Variants in DHRSX observed in about 807,000 individuals in gnomAD.
The protein encoded by DHRSX is polyprenol dehydrogenase.
A neutral mutation model predicts 34.0 loss-of-function variants in DHRSX; 31 were observed. The observed-to-expected ratio is 0.91, with a 90% confidence interval of 0.69 to 1.23. The LOEUF (loss-of-function observed/expected upper bound fraction) is 1.23. Ranked by LOEUF, DHRSX falls within the 50% of genes most tolerant of loss-of-function variation. DHRSX has a pLI of 0.00. For missense variants in DHRSX, 414 were observed against 428.1 expected, an observed-to-expected ratio of 0.97 and a Z score of 0.29; for synonymous variants, 201 against 183.8, an observed-to-expected ratio of 1.09 and a Z score of -0.76.
rs1267857199 is a variant in DHRSX, at chrX:2,257,494, C to G, written c.596+9246G>C. Among the ~76,000 whole-genome samples the G allele has an allele frequency of 2.0e-5, 3 of 152,204 alleles. No homozygotes were observed. In the East Asian group the frequency reaches 5.8e-4, roughly 29 times the overall value. ...CCTACAGTAATACAGAAGACGCCGG[C>G]TGAGGCGTGTTCTATTCTACCAAGG... On this transcript the variant is annotated intron_variant, in intron 5 of 6. Coordinates refer to ENST00000334651, the MANE Select transcript of DHRSX (RefSeq NM_145177.3).
chrX:2,243,323 C>T (rs1456631148), intron 5 of DHRSX, 93 bp from the exon 6 acceptor site: 10 of 1,092,952 alleles, frequency 9.1e-6, no homozygotes, highest in South Asian at 2.9e-5. Context: ...GCCACGGCCA[C>T]GTCTATACGC....
chrX:2,300,191 C>G (rs1340922629), intron 3 of DHRSX, among the ~76,000 whole-genome samples: 4 of 152,058 alleles, frequency 2.6e-5, no homozygotes, highest in Non-Finnish European at 4.4e-5. Context: ...TTGAATAGTG[C>G]CTTCATTTTT....
intron 3 of DHRSX, among the ~76,000 whole-genome samples, chrX:2,292,807 T>A (rs1475570914): frequency 6.6e-6 from 1 of 151,626 alleles, no homozygotes; most frequent in Non-Finnish European, 1.5e-5. Context: ...GATCCCTTGC[T>A]ACAGATAGTA....
chrX:2,481,408 G>GT (rs2044768757), intron 1 of DHRSX, among the ~76,000 whole-genome samples: 1 of 152,122 alleles, frequency 6.6e-6, no homozygotes, highest in African/African-American at 2.4e-5. Context: ...GCTCACGCCT[G>GT]TCATCCCAGC....
At chrX:2,367,798 A>G (rs2043011879) in intron 3 of DHRSX, among the ~76,000 whole-genome samples, 1 of 152,220 alleles carries the variant, frequency 6.6e-6, no homozygotes, top group Admixed American at 6.5e-5. Context: ...TGGGTACACA[A>G]ATGCTGTTCA....
chrX:2,297,023 A>G (rs2041942831), intron 3 of DHRSX, among the ~76,000 whole-genome samples: 1 of 148,676 alleles, frequency 6.7e-6, no homozygotes, highest in Non-Finnish European at 1.5e-5. Context: ...AGGCAGATAG[A>G]CCCAGGCAGA....
rs148013030 is a variant in DHRSX, at chrX:2,315,447, G to A, written c.287-23844C>T. On this transcript the variant is annotated intron_variant, in intron 3 of 6. Transcript: ENST00000334651. ...AGACTAAGGTGTTGGACTTCTGTTC[G>A]TCTGAGGATCCTGTTTCTTGCTGCC... Among the ~76,000 whole-genome samples the A allele has an allele frequency of 1.5e-3, 228 of 152,214 alleles. 5 individuals carry two copies. In the East Asian group the frequency reaches 0.036, roughly 24 times the overall value.
intron 1 of DHRSX, among the ~76,000 whole-genome samples, chrX:2,445,111 C>G (rs1452972232): frequency 6.6e-6 from 1 of 152,074 alleles, no homozygotes; most frequent in Non-Finnish European, 1.5e-5. Flanking sequence ...GAGCCAAGAT[C>G]GCACCACTGC....
At chrX:2,246,560 T>C (rs970864324) in intron 5 of DHRSX, among the ~76,000 whole-genome samples, 1 of 149,028 alleles carries the variant, frequency 6.7e-6, no homozygotes, top group Non-Finnish European at 1.5e-5. Flanking sequence ...GAGGTGGAGG[T>C]TGCAGTGACA....
chrX:2,224,822 ACACATGCTCACATATACTCATT>A lies in DHRSX; in HGVS notation c.805-3615_805-3594del, dbSNP rs780818208. On this transcript the variant is annotated intron_variant, in intron 6 of 6. Transcript: ENST00000334651. ...TTTACATGTACACAAACTCACATGAACACATGCTCACATATACTCATTCACATGCACACAAATTCGCATGCAC... is the reference window on the plus strand; with the variant it reads ...TTTACATGTACACAAACTCACATGAACACATGCACACAAATTCGCATGCAC... Among the ~76,000 whole-genome samples the A allele has an allele frequency of 5.2e-3, 797 of 151,888 alleles. 4 individuals carry two copies. Among genetic ancestry groups the A allele is most frequent in the African/African-American group, 0.019 (772 of 41,410 alleles).
At chrX:2,483,790 A>C (rs1426806252) in intron 1 of DHRSX, among the ~76,000 whole-genome samples, 1 of 35,474 alleles carries the variant, frequency 2.8e-5, no homozygotes, top group Non-Finnish European at 4.5e-5. Flanking sequence ...AAAAAGTGGC[A>C]AAAAAAAAAA....
At chrX:2,221,490 T>C (rs1569475509) in intron 6 of DHRSX, among the ~76,000 whole-genome samples, 1 of 152,194 alleles carries the variant, frequency 6.6e-6, no homozygotes, top group African/African-American at 2.4e-5. Context: ...ACTAGGCAGA[T>C]GCATATTAAA....
intron 3 of DHRSX, among the ~76,000 whole-genome samples, chrX:2,336,781 T>C (rs1300728530): frequency 1.3e-5 from 2 of 152,038 alleles, no homozygotes; most frequent in Admixed American, 6.6e-5. Context: ...AGAATAAACT[T>C]GTTGTGGCTT....
At chrX:2,409,689 G>A (rs1346644972) in intron 2 of DHRSX, among the ~76,000 whole-genome samples, 4 of 152,026 alleles carry the variant, frequency 2.6e-5, no homozygotes, top group East Asian at 1.9e-4. Context: ...TAGGAAATCC[G>A]GGGTGAAAGA....
intron 5 of DHRSX, among the ~76,000 whole-genome samples, chrX:2,243,758 G>C (rs2016199853): frequency 6.9e-6 from 1 of 145,492 alleles, no homozygotes; most frequent in Non-Finnish European, 1.5e-5. Context: ...CAAAGTGCTG[G>C]GATTACAGGC....
chrX:2,295,832 G>A (rs189837987), intron 3 of DHRSX, among the ~76,000 whole-genome samples: 11,263 of 152,116 alleles, frequency 0.074, 621 homozygotes, highest in Non-Finnish European at 0.11. Flanking sequence ...ACGCGGTTCC[G>A]GCATGTGGCA....
intron 1 of DHRSX, among the ~76,000 whole-genome samples, chrX:2,473,127 T>G (rs190847267): frequency 0.21 from 31,191 of 151,946 alleles, 4,267 homozygotes; most frequent in African/African-American, 0.39. Context: ...CTCAGGAACG[T>G]GGCACAGTCA....
At chrX:2,490,139 C>T (rs762781696) in intron 1 of DHRSX, 2 of 1,613,960 alleles carry the variant, frequency 1.2e-6, no homozygotes, top group Non-Finnish European at 1.7e-6. Context: ...GGAGATGCCA[C>T]ACCAGGTGGC....
intron 1 of DHRSX, among the ~76,000 whole-genome samples, chrX:2,469,004 A>C (rs1177067465): frequency 2.0e-5 from 3 of 147,780 alleles, no homozygotes; most frequent in Non-Finnish European, 4.5e-5. Flanking sequence ...TGCCGCTAAA[A>C]GACAGCACTG....
Sources: gnomAD v4.1 joint callset for allele counts (sites outside exome capture counted in the v4.1 genomes callset) on GRCh38, gnomAD v4.1.1 for gene constraint, MANE v1.5 for transcripts, NCBI Gene and HGNC (gene_info 2026-07-23, HGNC 2026-07-21) for gene names.